The following SEM1 variants were observed in gnomAD, a reference collection of about 807,000 sequenced individuals.
SEM1 encodes the protein 26S proteasome complex subunit SEM1.
Under a neutral mutation model 12.7 loss-of-function variants are expected in SEM1, and 3 were observed. The observed-to-expected ratio is 0.24, with a 90% CI of 0.11 to 0.61. The LOEUF (loss-of-function observed/expected upper bound fraction) is 0.61, where lower values mean the gene tolerates loss of function less well. SEM1 is among the 20% of genes least tolerant of loss of function. The pLI, the probability that SEM1 is intolerant of heterozygous loss-of-function variation, is 0.88. For missense variants in SEM1, 59 were observed against 81.3 expected (o/e 0.73, Z 1.06); for synonymous variants, 30 against 27.8 (o/e 1.08, Z -0.25).
chr7:96,644,347 T>C (rs576715890), intron 2 of SEM1, among the ~76,000 whole-genome samples: 160 of 152,238 alleles, frequency 1.1e-3, no homozygotes, highest in African/African-American at 3.8e-3. Flanking sequence ...GCCTTGTAGA[T>C]TCCAAAGAGT....
intron 2 of SEM1, among the ~76,000 whole-genome samples, chr7:96,636,627 C>A (rs569284497): frequency 1.3e-5 from 2 of 152,198 alleles, no homozygotes; most frequent in Admixed American, 1.3e-4. Context: ...TCAATCACCA[C>A]AGGAAATTAT....
chr7:96,621,639 TGAGTGGGC>T (rs1563086361), downstream of SEM1: 3 of 152,154 alleles, frequency 2.0e-5, no homozygotes, highest in Non-Finnish European at 4.4e-5. Flanking sequence ...AGTTAATAAA[TGAGTGGGC>T]AACAAAAAAT....
intron 1 of SEM1, chr7:96,696,337 G>T (rs762539988): frequency 5.9e-5 from 9 of 151,862 alleles, no homozygotes; most frequent in Non-Finnish European, 1.2e-4. Context: ...TAGTTCTTTC[G>T]TATTACTATA....
intron 1 of SEM1, among the ~76,000 whole-genome samples, chr7:96,701,174 C>G (rs574112726): frequency 1.3e-5 from 2 of 152,116 alleles, no homozygotes; most frequent in South Asian, 4.2e-4. Context: ...TTACTGAATA[C>G]CAACTTTGTG....
chr7:96,676,976 A>G (rs1252320791), intron 2 of SEM1, among the ~76,000 whole-genome samples: 4 of 152,200 alleles, frequency 2.6e-5, no homozygotes, highest in Non-Finnish European at 5.9e-5. Flanking sequence ...TCCCCATAAA[A>G]GAAAATTAGA....
At chr7:96,507,476 C>T (rs1803790802) in intron 2 of SEM1, among the ~76,000 whole-genome samples, 1 of 152,094 alleles carries the variant, frequency 6.6e-6, no homozygotes, top group African/African-American at 2.4e-5. Context: ...CCAACCTTCT[C>T]CTTTCAGCCT....
At chr7:96,564,589 G>T (rs1264461438) in intron 2 of SEM1, among the ~76,000 whole-genome samples, 2 of 151,936 alleles carry the variant, frequency 1.3e-5, no homozygotes, top group African/African-American at 4.8e-5. Context: ...GAATGTGATG[G>T]CTGGGGCTTC....
chr7:96,619,134 G>A (rs1460656395), downstream of SEM1, among the ~76,000 whole-genome samples: 1 of 152,116 alleles, frequency 6.6e-6, no homozygotes, highest in Non-Finnish European at 1.5e-5. Flanking sequence ...GACAATTGTT[G>A]TGGTCCTTTG....
chr7:96,700,282 T>C (rs1246299228), intron 1 of SEM1, among the ~76,000 whole-genome samples: 1 of 152,128 alleles, frequency 6.6e-6, no homozygotes, highest in African/African-American at 2.4e-5. Context: ...ATATAAACAA[T>C]ACAATTTCCA....
chr7:96,654,484 G>C (rs1052489178), intron 2 of SEM1, among the ~76,000 whole-genome samples: 1 of 152,108 alleles, frequency 6.6e-6, no homozygotes, highest in African/African-American at 2.4e-5. Context: ...TTTGAATTTT[G>C]ATCTTTTCTA....
At chr7:96,492,265 T>G (rs1803041220) in intron 1 of SEM1, among the ~76,000 whole-genome samples, 2 of 152,152 alleles carry the variant, frequency 1.3e-5, no homozygotes, top group Non-Finnish European at 2.9e-5. Flanking sequence ...ATAAACTCCA[T>G]CTACTTCCTG....
At chr7:96,581,975 C>A (rs1412313850) in intron 2 of SEM1, among the ~76,000 whole-genome samples, 2 of 150,254 alleles carry the variant, frequency 1.3e-5, no homozygotes, top group Admixed American at 1.3e-4. Flanking sequence ...CCTTCTCCTG[C>A]CTAATTGCCC....
At chr7:96,493,399 A>C (rs1250237171) in intron 1 of SEM1, among the ~76,000 whole-genome samples, 1 of 152,118 alleles carries the variant, frequency 6.6e-6, no homozygotes, top group Non-Finnish European at 1.5e-5. Context: ...CCAGCTTTCC[A>C]AGCTTGAGAT....
upstream of SEM1, among the ~76,000 whole-genome samples, chr7:96,498,062 G>A (rs1343239577): frequency 4.6e-5 from 7 of 152,082 alleles, no homozygotes; most frequent in Admixed American, 2.6e-4. Context: ...CAGGCCCTGC[G>A]CTGAGTGTTT....
At chr7:96,683,790 A>G (rs559905833), downstream of SEM1, among the ~76,000 whole-genome samples, 2 of 152,282 alleles carry the variant, frequency 1.3e-5, no homozygotes, top group East Asian at 3.9e-4. Context: ...ACAGAAAACC[A>G]AACACCGCAT....
intron 2 of SEM1, among the ~76,000 whole-genome samples, chr7:96,542,292 A>G (rs1281488525): frequency 6.6e-6 from 1 of 151,808 alleles, no homozygotes; most frequent in Non-Finnish European, 1.5e-5. Context: ...AGTGTTTTGT[A>G]GTTCTCCTTG....
intron 2 of SEM1, among the ~76,000 whole-genome samples, chr7:96,603,551 T>C (rs1031788349): frequency 6.6e-6 from 1 of 152,158 alleles, no homozygotes; most frequent in Non-Finnish European, 1.5e-5. Flanking sequence ...GAAAATATCA[T>C]CTTCTCAAGT....
At chr7:96,583,022 A>G (rs1175366127) in intron 2 of SEM1, among the ~76,000 whole-genome samples, 3 of 152,052 alleles carry the variant, frequency 2.0e-5, no homozygotes, top group Non-Finnish European at 4.4e-5. Flanking sequence ...TATCTTTTGA[A>G]TGTGTTTGCT....
intron 2 of SEM1, among the ~76,000 whole-genome samples, chr7:96,693,189 G>C (rs1789980142): frequency 6.6e-6 from 1 of 151,926 alleles, no homozygotes; most frequent in African/African-American, 2.4e-5. Flanking sequence ...CTTTCTGTTT[G>C]AACAAGCTTA....
Sources: allele counts gnomAD v4.1 joint callset (sites outside exome capture counted in the v4.1 genomes callset), GRCh38; gene constraint gnomAD v4.1.1; transcripts MANE v1.5; gene names NCBI Gene and HGNC (gene_info 2026-07-23, HGNC 2026-07-21).